The following FZD3 variants were observed in gnomAD, a reference collection of about 807,000 sequenced individuals.
The protein encoded by FZD3 is frizzled class receptor 3.
In FZD3, 30 loss-of-function variants were observed where a neutral mutation model predicts 60.7. The observed-to-expected ratio is 0.49, with a 90% CI of 0.37 to 0.67. FZD3 has a LOEUF of 0.67. FZD3 is among the 30% of genes least tolerant of loss of function. The probability of loss-of-function intolerance (pLI) is 0.00; values close to 1 mark genes in which losing one functional copy is unlikely to be tolerated. For synonymous variants in FZD3, 246 were observed against 275.2 expected (o/e 0.89, Z 1.05); for missense variants, 605 against 838.7 (o/e 0.72, Z 3.44).
At chr8:28,539,563 CAGA>C (rs1242918165) in intron 5 of FZD3, among the ~76,000 whole-genome samples, 5 of 152,156 alleles carry the variant, frequency 3.3e-5, no homozygotes, top group Non-Finnish European at 7.3e-5. Context: ...AAGTGGGAAT[CAGA>C]AGACCTCCAT....
At chr8:28,520,602 T>C (rs1804551603) in intron 3 of FZD3, 36 bp from the exon 4 acceptor site, 7 of 1,249,232 alleles carry the variant, frequency 5.6e-6, no homozygotes, top group Non-Finnish European at 7.8e-6. Context: ...TGTATACAGC[T>C]CTTTAACTAA....
chr8:28,530,132 TG>T (rs1804828912), intron 5 of FZD3, among the ~76,000 whole-genome samples: 1 of 82,878 alleles, frequency 1.2e-5, no homozygotes, highest in Non-Finnish European at 2.6e-5. Context: ...TGTGTGTGTG[TG>T]TGTGTGTGTT....
intron 5 of FZD3, among the ~76,000 whole-genome samples, chr8:28,528,743 C>G (rs1488629418): frequency 6.6e-6 from 1 of 152,108 alleles, no homozygotes; most frequent in Non-Finnish European, 1.5e-5. Context: ...TCTTAAACAT[C>G]TAGTACCTTA....
At chr8:28,556,407 C>T (rs1042944033) in intron 7 of FZD3, among the ~76,000 whole-genome samples, 7 of 152,134 alleles carry the variant, frequency 4.6e-5, no homozygotes, top group African/African-American at 1.7e-4. Context: ...CCTCAGCTTC[C>T]TCATTTATAA....
At chr8:28,524,738 A>T (rs1804671530) in intron 4 of FZD3, among the ~76,000 whole-genome samples, 1 of 128,660 alleles carries the variant, frequency 7.8e-6, no homozygotes, top group South Asian at 2.9e-4. Context: ...ATGACTCCTA[A>T]ACCTAAGTCT....
intron 4 of FZD3, among the ~76,000 whole-genome samples, chr8:28,521,953 G>A (rs1250725664): frequency 1.3e-5 from 2 of 152,132 alleles, no homozygotes; most frequent in African/African-American, 4.8e-5. Flanking sequence ...TAAAGCAGAT[G>A]TTGTTACTCT....
rs751444077 is a variant in FZD3, at chr8:28,568,665, C to A, written c.*5654C>A. 13 of 152,052 alleles carry A rather than the reference C, an allele frequency of 8.5e-5. No individual in the cohort carries two copies. Among genetic ancestry groups the A allele is most frequent in the Non-Finnish European group, 1.5e-4 (10 of 67,976 alleles). 9.4% of individuals were successfully genotyped at this position (152,052 alleles called of 1,614,324 possible). On this transcript the variant is annotated 3_prime_UTR_variant, in exon 8 of 8. Coordinates refer to ENST00000240093, the MANE Select transcript of FZD3 (RefSeq NM_017412.4). The stretch of plus-strand genomic sequence containing the variant: ...TTAAACATGTTTCTTATTCTGTGAT[C>A]TCTAATTAGAAAGTAAAATTCTGTT...
At chr8:28,533,679 C>T (rs1804935541) in intron 5 of FZD3, among the ~76,000 whole-genome samples, 1 of 152,042 alleles carries the variant, frequency 6.6e-6, no homozygotes, top group Admixed American at 6.6e-5. Context: ...ACAGAAAGGT[C>T]CCCTCACAAA....
At chr8:28,531,858 GCTTGT>G (rs1804883721) in intron 5 of FZD3, among the ~76,000 whole-genome samples, 1 of 151,860 alleles carries the variant, frequency 6.6e-6, no homozygotes, top group African/African-American at 2.4e-5. Flanking sequence ...CTGCTTTGTG[GCTTGT>G]CTTTTCACTT....
chr8:28,546,897 G>A (rs1025855993), intron 5 of FZD3, among the ~76,000 whole-genome samples: 1 of 151,858 alleles, frequency 6.6e-6, no homozygotes, highest in Admixed American at 6.6e-5. Context: ...ATGAACCTGG[G>A]AGGCGGAGCT....
At chr8:28,552,513 G>A (rs985789161) in intron 6 of FZD3, among the ~76,000 whole-genome samples, 3 of 152,022 alleles carry the variant, frequency 2.0e-5, no homozygotes, top group South Asian at 4.1e-4. Flanking sequence ...AAGTCTCATA[G>A]GTATCTCTGT....
At chr8:28,561,300 G>T (rs1052418446) in intron 7 of FZD3, among the ~76,000 whole-genome samples, 1 of 151,972 alleles carries the variant, frequency 6.6e-6, no homozygotes, top group African/African-American at 2.4e-5. Context: ...CAAGTGATCT[G>T]CCCATCTCAG....
At chr8:28,501,786 T>G (rs1381231521) in intron 2 of FZD3, among the ~76,000 whole-genome samples, 1 of 152,218 alleles carries the variant, frequency 6.6e-6, no homozygotes, top group East Asian at 1.9e-4. Flanking sequence ...CCTGTGACTT[T>G]TTAGGGATGA....
At chr8:28,518,564 T>C (rs1804493253) in intron 3 of FZD3, among the ~76,000 whole-genome samples, 1 of 152,226 alleles carries the variant, frequency 6.6e-6, no homozygotes, top group South Asian at 2.1e-4. Flanking sequence ...AAATCTCTAC[T>C]CTGTTCTCTT....
chr8:28,551,793 T>G, intron 6 of FZD3, 42 bp downstream of exon 6: 2 of 1,508,176 alleles, frequency 1.3e-6, no homozygotes, highest in South Asian at 2.4e-5. Context: ...AAACCTCACA[T>G]TTACGTAAAT....
At position 28,573,262 on chromosome 8, in the gene FZD3, AC is replaced by A. The variant is rs1339742803; in HGVS notation, c.*10252del. The A allele has an allele frequency of 2.0e-5, 3 of 152,174 alleles. No individual in the cohort carries two copies. The highest frequency in any genetic ancestry group is 7.2e-5 in the African/African-American group (3 of 41,442). 9.4% of individuals were successfully genotyped at this position (152,174 alleles called of 1,614,324 possible). ...ACTAATTTATATTAAAGTGTTAGTG[AC>A]TATAGCCCTTTTATCTCTCTTAAAG... On this transcript the variant is annotated 3_prime_UTR_variant, in exon 8 of 8. Coordinates refer to ENST00000240093, the MANE Select transcript of FZD3 (RefSeq NM_017412.4).
At chr8:28,526,163 C>T (rs1804709708) in intron 4 of FZD3, among the ~76,000 whole-genome samples, 1 of 150,230 alleles carries the variant, frequency 6.7e-6, no homozygotes, top group Non-Finnish European at 1.5e-5. Context: ...GTAGTGTTTG[C>T]ATGGTTTTAA....
chr8:28,531,223 C>G (rs1804866802), intron 5 of FZD3, among the ~76,000 whole-genome samples: 1 of 151,756 alleles, frequency 6.6e-6, no homozygotes, highest in Admixed American at 6.6e-5. Flanking sequence ...GAGTGTTTAT[C>G]CATAAAATTT....
chr8:28,497,772 G>A (rs1803881939), intron 1 of FZD3, among the ~76,000 whole-genome samples: 1 of 152,154 alleles, frequency 6.6e-6, no homozygotes, highest in Non-Finnish European at 1.5e-5. Context: ...AGCCCTTAGG[G>A]CCCTCTTTTC....
Sources: gnomAD v4.1 joint callset for allele counts (sites outside exome capture counted in the v4.1 genomes callset) on GRCh38, gnomAD v4.1.1 for gene constraint, MANE v1.5 for transcripts, NCBI Gene and HGNC (gene_info 2026-07-23, HGNC 2026-07-21) for gene names.